Variants in OXR1 observed in about 807,000 individuals in gnomAD.
OXR1 encodes the protein oxidation resistance 1, also known as oxidation resistance protein 1.
A neutral mutation model predicts 104.6 loss-of-function variants in OXR1; 41 were observed. The observed-to-expected ratio is 0.39, with a 90% CI of 0.31 to 0.51. OXR1 has a LOEUF of 0.51. OXR1 is among the 20% of genes least tolerant of loss of function. OXR1 has a pLI of 0.77. For missense variants in OXR1, 955 were observed against 1,031.9 expected (o/e 0.93, Z 1.02); for synonymous variants, 348 against 348.4 (o/e 1.00, Z 0.01).
chr8:106,335,539 T>C (rs1392201090), intron 1 of OXR1, among the ~76,000 whole-genome samples: 1 of 152,176 alleles, frequency 6.6e-6, no homozygotes, highest in Non-Finnish European at 1.5e-5. Context: ...ACATGGCATC[T>C]TGAATCTTTC....
At chr8:106,573,340 C>A (rs1005772578) in intron 3 of OXR1, among the ~76,000 whole-genome samples, 7 of 64,736 alleles carry the variant, frequency 1.1e-4, no homozygotes, top group African/African-American at 4.5e-4. Flanking sequence ...AATTAACCAT[C>A]ACATACACAC....
At chr8:106,285,108 C>G (rs935328796) in intron 1 of OXR1, among the ~76,000 whole-genome samples, 1 of 152,068 alleles carries the variant, frequency 6.6e-6, no homozygotes, top group Non-Finnish European at 1.5e-5. Flanking sequence ...CTAATGCTAT[C>G]CCTCCCCACT....
intron 3 of OXR1, among the ~76,000 whole-genome samples, chr8:106,524,354 C>G (rs766710087): frequency 3.3e-4 from 50 of 152,200 alleles, no homozygotes; most frequent in Non-Finnish European, 6.5e-4. Context: ...TACGATTGCT[C>G]CCTAAGGTAT....
chr8:106,485,053 C>CTAAAT (rs71303452), intron 2 of OXR1, among the ~76,000 whole-genome samples: 101,230 of 151,100 alleles, frequency 0.67, 34,357 homozygotes, highest in Non-Finnish European at 0.71. Flanking sequence ...ATTCATATTG[C>CTAAAT]TAAAGAAGCC....
chr8:106,568,371 T>C (rs1817229116), intron 3 of OXR1, among the ~76,000 whole-genome samples: 1 of 152,150 alleles, frequency 6.6e-6, no homozygotes, highest in Non-Finnish European at 1.5e-5. Flanking sequence ...TTTCTTATAT[T>C]CCATCATTTT....
chr8:106,630,885 G>T (rs1030738235), intron 3 of OXR1, among the ~76,000 whole-genome samples: 2 of 152,160 alleles, frequency 1.3e-5, no homozygotes, highest in Non-Finnish European at 2.9e-5. Context: ...CCAAAACCCT[G>T]CTTCATGCTG....
At chr8:106,625,031 A>G (rs976620885) in intron 3 of OXR1, among the ~76,000 whole-genome samples, 3 of 152,142 alleles carry the variant, frequency 2.0e-5, no homozygotes, top group Admixed American at 1.3e-4. Flanking sequence ...GGCTCAAGCA[A>G]TCCTCCCACG....
At chr8:106,535,810 T>A (rs75126957) in intron 3 of OXR1, among the ~76,000 whole-genome samples, 2,561 of 152,320 alleles carry the variant, frequency 0.017, 53 homozygotes, top group East Asian at 0.099. Flanking sequence ...AGGCTTTCTA[T>A]AAATTTCCTT....
intron 2 of OXR1, among the ~76,000 whole-genome samples, chr8:106,516,966 G>A (rs1200845395): frequency 2.6e-5 from 4 of 152,068 alleles, no homozygotes; most frequent in African/African-American, 7.2e-5. Flanking sequence ...GTGGTTTCAA[G>A]CATCCACTGG....
At chr8:106,465,701 T>C (rs76680224) in intron 2 of OXR1, among the ~76,000 whole-genome samples, 2,491 of 152,106 alleles carry the variant, frequency 0.016, 60 homozygotes, top group African/African-American at 0.056. Context: ...CCAGGGTTTT[T>C]GTTTTCAGTA....
chr8:106,495,831 GTGTT>G (rs919576285), intron 2 of OXR1, among the ~76,000 whole-genome samples: 20 of 152,078 alleles, frequency 1.3e-4, no homozygotes, highest in South Asian at 2.1e-4. Context: ...AGTAACTTGT[GTGTT>G]TGTTTATTAA....
intron 1 of OXR1, among the ~76,000 whole-genome samples, chr8:106,280,390 T>TG (rs1812229074): frequency 6.6e-6 from 1 of 152,152 alleles, no homozygotes; most frequent in Non-Finnish European, 1.5e-5. Flanking sequence ...GGAGGCTGTA[T>TG]GGGGAAAATC....
rs1416101683 is a variant in OXR1 at position 106,750,951 on chromosome 8, T to C, written c.*10T>C. On this transcript the variant is annotated 3_prime_UTR_variant, in exon 17 of 17. Transcript: ENST00000517566. ...CTGGGCTTTTGAATAAATAAAATGC[T>C]CTCTGTCTTAGCAGGAGAATGGCCC... is the stretch of plus-strand genomic sequence containing the variant. 6.3e-7 allele frequency: 1 copy of C among 1,595,712 alleles called. No homozygotes were observed. Among genetic ancestry groups the C allele is most frequent in the Non-Finnish European group, 8.5e-7 (1 of 1,173,240 alleles).
chr8:106,669,903 A>G (rs535229660), intron 3 of OXR1, among the ~76,000 whole-genome samples: 5 of 152,312 alleles, frequency 3.3e-5, no homozygotes, highest in African/African-American at 1.2e-4. Context: ...AATTCAGACT[A>G]TCCTGCTGAG....
In OXR1 at chr8:106,306,646, C is replaced by A. The variant is rs1255858911; in HGVS notation, c.-139+36279C>A. ...AAACATGGATGTCTCCATGACTTTACTTTGAGTGAAAAAATAGTACATTTT... is the reference window on the plus strand; with the variant it reads ...AAACATGGATGTCTCCATGACTTTAATTTGAGTGAAAAAATAGTACATTTT... On this transcript the variant is annotated intron_variant, in intron 1 of 16. Coordinates refer to ENST00000517566, the MANE Select transcript of OXR1 (RefSeq NM_001198533.2). Among the ~76,000 whole-genome samples the A allele has an allele frequency of 2.6e-5, 4 of 152,186 alleles. No individual in the cohort carries two copies. In the South Asian group the frequency reaches 8.3e-4, roughly 32 times the overall value.
chr8:106,361,821 T>C (rs1156382486), intron 2 of OXR1, among the ~76,000 whole-genome samples: 1 of 152,150 alleles, frequency 6.6e-6, no homozygotes, highest in African/African-American at 2.4e-5. Flanking sequence ...GAAAATTAAC[T>C]GGGTTGAAAG....
At position 106,709,184 on chromosome 8, in the gene OXR1, ATCTG is replaced by A. The variant is rs550988248; in HGVS notation, c.1625-1434_1625-1431del. Among the ~76,000 whole-genome samples, 1,243 of 152,250 alleles carry A rather than the reference ATCTG, an allele frequency of 8.2e-3. 11 individuals are homozygous for A. The highest frequency in any genetic ancestry group is 0.018 in the South Asian group (86 of 4,826). Reference sequence around the variant, plus strand: ...GATGATCATTGTTAACATTCAATATATCTGTCTTTCTTATAGAACAAAATCATAT... The same window carrying A: ...GATGATCATTGTTAACATTCAATATATCTTTCTTATAGAACAAAATCATAT... On this transcript the variant is annotated intron_variant, in intron 9 of 16. Coordinates refer to ENST00000517566, the MANE Select transcript of OXR1 (RefSeq NM_001198533.2).
chr8:106,394,261 A>G (rs1265719382), intron 2 of OXR1, among the ~76,000 whole-genome samples: 1 of 151,832 alleles, frequency 6.6e-6, no homozygotes, highest in Non-Finnish European at 1.5e-5. Flanking sequence ...AGGACTTTTT[A>G]AAGGGTATAT....
At chr8:106,612,968 C>A (rs1334728508) in intron 3 of OXR1, among the ~76,000 whole-genome samples, 1 of 152,078 alleles carries the variant, frequency 6.6e-6, no homozygotes, top group Non-Finnish European at 1.5e-5. Context: ...CTGCTCATCA[C>A]TCTGCAACAC....
Sources: allele counts gnomAD v4.1 joint callset (sites outside exome capture counted in the v4.1 genomes callset), GRCh38; gene constraint gnomAD v4.1.1; transcripts MANE v1.5; gene names NCBI Gene and HGNC (gene_info 2026-07-23, HGNC 2026-07-21).